Variants in DHRS11 observed in about 807,000 individuals in gnomAD.
DHRS11 encodes dehydrogenase/reductase 11.
Under a neutral mutation model 30.7 loss-of-function variants are expected in DHRS11, and 18 were observed. That is an observed-to-expected ratio of 0.59 (90% CI 0.41 to 0.87). The LOEUF (loss-of-function observed/expected upper bound fraction) is 0.87, where lower values mean the gene tolerates loss of function less well. DHRS11 is among the 40% of genes least tolerant of loss of function. The pLI is 0.00. For missense variants in DHRS11, 300 were observed against 349.0 expected (o/e 0.86, Z 1.12); for synonymous variants, 123 against 139.6 (o/e 0.88, Z 0.84).
chr17:36,600,069 A>G, intron 6 of DHRS11, 32 bp downstream of exon 6: 1 of 1,613,830 alleles, frequency 6.2e-7, no homozygotes, highest in Non-Finnish European at 8.5e-7. Context: ...TACTCACTGG[A>G]GGAACCCAAC....
intron 3 of DHRS11, chr17:36,598,533 T>G: frequency 3.7e-6 from 2 of 546,266 alleles, no homozygotes; most frequent in Non-Finnish European, 6.5e-6. Context: ...GAACCCCACC[T>G]CATGGCACAA....
At chr17:36,596,730 G>A (rs2074813968) in intron 2 of DHRS11, 2 of 469,354 alleles carry the variant, frequency 4.3e-6, no homozygotes, top group African/African-American at 2.0e-5. Context: ...ATGGTATGAT[G>A]GGGTGATAGT....
chr17:36,594,893 G>T, intron 1 of DHRS11, 78 bp from the exon 2 acceptor site: 1 of 1,477,978 alleles, frequency 6.8e-7, no homozygotes, highest in Non-Finnish European at 9.4e-7. Context: ...AGTGTGACGG[G>T]GGTCGGGGTC....
intron 2 of DHRS11, among the ~76,000 whole-genome samples, chr17:36,595,870 A>G (rs925517084): frequency 1.3e-5 from 2 of 152,210 alleles, no homozygotes; most frequent in African/African-American, 4.8e-5. Flanking sequence ...GAAAAGGAAG[A>G]GAGAGACAAG....
chr17:36,594,738 T>G (rs760691797), intron 1 of DHRS11: 18 of 594,258 alleles, frequency 3.0e-5, no homozygotes, highest in Admixed American at 1.8e-4. Context: ...ATAGTGAGGT[T>G]TCTCCATTGA....
intron 1 of DHRS11, among the ~76,000 whole-genome samples, chr17:36,593,505 G>A (rs369457349): frequency 5.5e-4 from 84 of 152,252 alleles, no homozygotes; most frequent in African/African-American, 2.0e-3. Context: ...GGGGAAAGCT[G>A]CAGTCTTCCT....
chr17:36,598,151 C>T lies in DHRS11; in HGVS notation c.358-12C>T. On this transcript the variant is annotated splice_polypyrimidine_tract_variant and intron_variant, in intron 2 of 6. Coordinates refer to ENST00000618403, the MANE Select transcript of DHRS11 (RefSeq NM_024308.4). ...GGAGTGGAGACACCTCATTGCCCTCCCTGGCCTGCAGGTGAACGTGCTGGC... is the reference window on the plus strand; with the variant it reads ...GGAGTGGAGACACCTCATTGCCCTCTCTGGCCTGCAGGTGAACGTGCTGGC... 3.1e-6 allele frequency: 5 copies of T among 1,613,786 alleles called. No homozygotes were observed. The highest frequency in any genetic ancestry group is 4.2e-6 in the Non-Finnish European group (5 of 1,179,794).
chr17:36,596,816 A>G (rs1434918380), intron 2 of DHRS11: 2 of 470,872 alleles, frequency 4.2e-6, no homozygotes, highest in Admixed American at 4.7e-5. Context: ...ATCCTTTCCC[A>G]TCTGCTGACA....
Position 36,599,751 on chromosome 17 carries a change from T to C in DHRS11, c.663T>C (p.Tyr221=), listed in dbSNP as rs372255285. ...DKDPEKAAAT[Y]EQMKCLKPED... ...ACCCTGAGAAGGCAGCTGCCACCTATGAGCAAATGAAGGTGGGGCCTCCCT... is the reference window on the plus strand; with the variant it reads ...ACCCTGAGAAGGCAGCTGCCACCTACGAGCAAATGAAGGTGGGGCCTCCCT... The change falls in exon 5 of 7, where the codon TAT becomes TAC. Residue 221 remains tyrosine (Y), a synonymous_variant. Transcript: ENST00000618403. The C allele has an allele frequency of 1.2e-5, 20 of 1,614,038 alleles. No homozygotes were observed. The highest frequency in any genetic ancestry group is 1.5e-5 in the Non-Finnish European group (18 of 1,180,020).
chr17:36,597,230 A>G (rs2074817873), intron 2 of DHRS11: 1 of 223,268 alleles, frequency 4.5e-6, no homozygotes. Context: ...ATCTCTTCCT[A>G]CTGCCATGAA....
intron 4 of DHRS11, 93 bp downstream of exon 4, chr17:36,599,143 C>T (rs1325835383): frequency 5.3e-6 from 8 of 1,495,612 alleles, no homozygotes; most frequent in African/African-American, 2.8e-5. Context: ...CAGAATGTGC[C>T]GCTCAGAGCT....
chr17:36,594,319 G>A (rs202156364), intron 1 of DHRS11, among the ~76,000 whole-genome samples: 1 of 152,160 alleles, frequency 6.6e-6, no homozygotes, highest in Non-Finnish European at 1.5e-5. Context: ...GTGGAGAGGC[G>A]CATATTACCT....
chr17:36,593,977 T>C (rs979311749), intron 1 of DHRS11, among the ~76,000 whole-genome samples: 2 of 152,242 alleles, frequency 1.3e-5, no homozygotes, highest in African/African-American at 4.8e-5. Context: ...TTTCTTGGCA[T>C]GCTGAGGGCC....
Position 36,591,962 on chromosome 17 carries a change from AC to A in DHRS11, c.-43del. 8.2e-7 allele frequency: 1 copy of A among 1,221,904 alleles called. No individual in the cohort carries two copies. Among genetic ancestry groups the A allele is most frequent in the Non-Finnish European group, 1.0e-6 (1 of 981,946 alleles). The allele number at this position is 1,221,904 out of a possible 1,614,324, so 75.7% of individuals were successfully genotyped here. The stretch of plus-strand genomic sequence containing the variant: ...AGAGCGGCCGGGCGTCAGCTCCTCG[AC>A]CCCCGTGTCGGGCTAGTCCAGCGAG... On this transcript the variant is annotated 5_prime_UTR_variant, in exon 1 of 7. Transcript: ENST00000618403.
chr17:36,595,536 G>C (rs1292928688), intron 2 of DHRS11, among the ~76,000 whole-genome samples: 1 of 143,660 alleles, frequency 7.0e-6, no homozygotes, highest in African/African-American at 2.5e-5. Context: ...TCTCCTGCTT[G>C]AGCCTCCTGA....
chr17:36,599,121 G>A (rs1490506139), intron 4 of DHRS11, 71 bp downstream of exon 4: 4 of 1,549,814 alleles, frequency 2.6e-6, no homozygotes, highest in Admixed American at 1.9e-5. Flanking sequence ...CACCGTTCAG[G>A]AAGCCCATGT....
chr17:36,598,598 G>T, intron 3 of DHRS11: 2 of 501,716 alleles, frequency 4.0e-6, no homozygotes, highest in African/African-American at 1.9e-5. Flanking sequence ...GGGGGGACAT[G>T]GCCTCTGCCT....
rs148572922 is a variant in DHRS11 at position 36,598,027 on chromosome 17, G to A, written c.358-136G>A. On this transcript the variant is annotated intron_variant, in intron 2 of 6. Coordinates refer to ENST00000618403, the MANE Select transcript of DHRS11 (RefSeq NM_024308.4). The stretch of plus-strand genomic sequence containing the variant: ...GTAGAAGACAAGATGCTCTGTGCCT[G>A]TGGCTGGTCTCCGGGGGGACCTGGA... 9 of 827,868 alleles carry A rather than the reference G, an allele frequency of 1.1e-5. No homozygotes were observed. In the East Asian group the frequency reaches 2.3e-4, roughly 21 times the overall value. 51.3% of individuals were successfully genotyped at this position (827,868 alleles called of 1,614,324 possible). A position where few individuals can be genotyped will look rare whatever the true frequency, so the allele number is the denominator to read the frequency against.
Position 36,599,782 on chromosome 17 carries a change from C to A in DHRS11, c.675+19C>A, listed in dbSNP as rs750185902. 6.2e-7 allele frequency: 1 copy of A among 1,613,716 alleles called. No individual in the cohort carries two copies. ...AATGAAGGTGGGGCCTCCCTCTGAG[C>A]CTGGTGAAGCCACTGACTCCCTAAA... On this transcript the variant is annotated intron_variant, in intron 5 of 6. Coordinates refer to ENST00000618403, the MANE Select transcript of DHRS11 (RefSeq NM_024308.4).
Sources: allele counts gnomAD v4.1 joint callset (sites outside exome capture counted in the v4.1 genomes callset), GRCh38; gene constraint gnomAD v4.1.1; transcripts MANE v1.5; gene names NCBI Gene and HGNC (gene_info 2026-07-23, HGNC 2026-07-21).